The following NRXN3 variants were observed in gnomAD, a reference collection of about 807,000 sequenced individuals.
NRXN3 encodes neurexin III.
NRXN3 carries 32 observed loss-of-function variants against 137.6 expected under a neutral mutation model. The ratio of observed to expected loss-of-function variants is 0.23; its 90% CI spans 0.18 to 0.31. The LOEUF (loss-of-function observed/expected upper bound fraction) is 0.31. Among genes scored for constraint, NRXN3 ranks in the 10% least tolerant of loss-of-function variants. NRXN3 has a pLI of 1.00. For missense variants in NRXN3, 1,574 were observed against 2,062.5 expected (o/e 0.76, Z 4.59); for synonymous variants, 798 against 784.5 (o/e 1.02, Z -0.29).
At chr14:78,987,119 T>A (rs76241861) in intron 14 of NRXN3, among the ~76,000 whole-genome samples, 9,261 of 151,724 alleles carry the variant, frequency 0.061, 765 homozygotes, top group African/African-American at 0.19. Context: ...TGCATTTGAA[T>A]GTCCTGGAAG....
At chr14:78,576,197 T>G (rs1443016056) in intron 4 of NRXN3, among the ~76,000 whole-genome samples, 1 of 152,178 alleles carries the variant, frequency 6.6e-6, no homozygotes, top group Admixed American at 6.5e-5. Flanking sequence ...AAAGAGCAGC[T>G]CTCATCCTGA....
intron 1 of NRXN3, among the ~76,000 whole-genome samples, chr14:78,205,044 G>A (rs2062047367): frequency 6.6e-6 from 1 of 152,196 alleles, no homozygotes; most frequent in African/African-American, 2.4e-5. Context: ...CACAGGTAGT[G>A]CAGGAGAAAT....
Position 78,668,724 on chromosome 14 carries a change from C to T in NRXN3, c.1221+17398C>T, listed in dbSNP as rs148554770. Among the ~76,000 whole-genome samples, 1,411 of 152,220 alleles carry T rather than the reference C, an allele frequency of 9.3e-3. 11 individuals carry two copies. Among genetic ancestry groups the T allele is most frequent in the Non-Finnish European group, 0.015 (1,008 of 68,022 alleles). On this transcript the variant is annotated intron_variant, in intron 6 of 20. Coordinates refer to ENST00000335750, the MANE Select transcript of NRXN3 (RefSeq NM_001330195.2). ...TTAATGAGCCATATGGTCTCTATCACGACTATCAAACTGTCATTGAGCATG... is the reference window on the plus strand; with the variant it reads ...TTAATGAGCCATATGGTCTCTATCATGACTATCAAACTGTCATTGAGCATG...
intron 15 of NRXN3, among the ~76,000 whole-genome samples, chr14:79,183,330 T>G (rs1171472849): frequency 6.6e-6 from 1 of 152,188 alleles, no homozygotes; most frequent in African/African-American, 2.4e-5. Flanking sequence ...CCCAACCACA[T>G]CTTTCTGTTT....
intron 15 of NRXN3, among the ~76,000 whole-genome samples, chr14:79,082,249 A>T (rs2047183429): frequency 6.6e-6 from 1 of 152,128 alleles, no homozygotes; most frequent in Admixed American, 6.5e-5. Flanking sequence ...AATTTATTTG[A>T]CAGAGCACCC....
rs1602351482 is a variant in NRXN3, at chr14:79,576,480, A to G, written c.3445-87298A>G. Among the ~76,000 whole-genome samples, 3 of 152,322 alleles carry G rather than the reference A, an allele frequency of 2.0e-5. No homozygotes were observed. In the East Asian group the frequency reaches 5.8e-4, roughly 29 times the overall value. ...GCAAAAGAAAAAAGGAAAAACTGCT[A>G]AATGTTAAGTGATTTGCTTATTTGA... On this transcript the variant is annotated intron_variant, in intron 16 of 20. Coordinates refer to ENST00000335750, the MANE Select transcript of NRXN3 (RefSeq NM_001330195.2).
intron 4 of NRXN3, among the ~76,000 whole-genome samples, chr14:78,301,878 T>C (rs1240989081): frequency 6.6e-6 from 1 of 152,200 alleles, no homozygotes; most frequent in Non-Finnish European, 1.5e-5. Flanking sequence ...CCTGTTCCTT[T>C]TATGCTAATC....
At chr14:79,320,181 C>T (rs191583751) in intron 15 of NRXN3, among the ~76,000 whole-genome samples, 2 of 152,226 alleles carry the variant, frequency 1.3e-5, no homozygotes, top group Admixed American at 1.3e-4. Flanking sequence ...TTTTTCAATT[C>T]CCTGTGTTCA....
chr14:78,573,268 A>G (rs1456733504), intron 4 of NRXN3, among the ~76,000 whole-genome samples: 2 of 152,158 alleles, frequency 1.3e-5, no homozygotes, highest in Admixed American at 6.5e-5. Flanking sequence ...CTGGTACCAC[A>G]GAGAGTAGAG....
intron 10 of NRXN3, among the ~76,000 whole-genome samples, chr14:78,821,210 T>A (rs1471548559): frequency 6.6e-6 from 1 of 152,138 alleles, no homozygotes; most frequent in East Asian, 1.9e-4. Context: ...GGAATGAAAT[T>A]TATTTCTGAA....
intron 8 of NRXN3, among the ~76,000 whole-genome samples, chr14:78,749,498 C>T (rs2098630803): frequency 6.6e-6 from 1 of 152,252 alleles, no homozygotes; most frequent in Middle Eastern, 3.4e-3. Context: ...TTAGTTTCAC[C>T]TGCATATGTA....
intron 19 of NRXN3, among the ~76,000 whole-genome samples, chr14:79,786,242 G>T (rs989921731): frequency 5.3e-5 from 8 of 152,172 alleles, no homozygotes; most frequent in African/African-American, 1.9e-4. Flanking sequence ...AGAAACCAGG[G>T]ATCTGAATAA....
intron 15 of NRXN3, among the ~76,000 whole-genome samples, chr14:79,130,329 T>C (rs1268563875): frequency 2.0e-5 from 3 of 152,204 alleles, no homozygotes; most frequent in East Asian, 1.9e-4. Flanking sequence ...GTTGTTCCTT[T>C]CCATGTTTAG....
chr14:78,319,644 G>T lies in NRXN3; in HGVS notation c.757+21784G>T, dbSNP rs980114689. Among the ~76,000 whole-genome samples the T allele has an allele frequency of 2.0e-5, 3 of 152,154 alleles. No homozygotes were observed. The East Asian group carries it at 5.8e-4, about 29-fold the overall frequency. ...CTATGGGCTTGGGTGACTCCCAACA[G>T]CGATGACAATATACATTCTCAGTAA... On this transcript the variant is annotated intron_variant, in intron 4 of 20. Transcript: ENST00000335750.
At chr14:79,124,172 T>G (rs535062147) in intron 15 of NRXN3, among the ~76,000 whole-genome samples, 1 of 152,300 alleles carries the variant, frequency 6.6e-6, no homozygotes, top group Admixed American at 6.5e-5. Flanking sequence ...GTAGTCATCC[T>G]TGCTGCTTTA....
intron 19 of NRXN3, among the ~76,000 whole-genome samples, chr14:79,800,245 T>C (rs1166438474): frequency 6.6e-6 from 1 of 152,198 alleles, no homozygotes. Flanking sequence ...AACGTAACTA[T>C]GAATAGAAGA....
intron 10 of NRXN3, among the ~76,000 whole-genome samples, chr14:78,824,678 C>G (rs1044840361): frequency 6.6e-6 from 1 of 151,918 alleles, no homozygotes; most frequent in African/African-American, 2.4e-5. Flanking sequence ...TTTTAGAAAC[C>G]CTTATTAAAT....
At chr14:78,852,830 A>T (rs953736014) in intron 10 of NRXN3, among the ~76,000 whole-genome samples, 3 of 152,052 alleles carry the variant, frequency 2.0e-5, no homozygotes, top group Non-Finnish European at 2.9e-5. Context: ...GATTAAGTGG[A>T]ATCATGTATA....
chr14:78,559,191 A>T (rs993556068), intron 4 of NRXN3, among the ~76,000 whole-genome samples: 87 of 152,168 alleles, frequency 5.7e-4, no homozygotes, highest in African/African-American at 2.1e-3. Context: ...GCTTTTATAT[A>T]TATCTTTAAA....
Sources: allele counts gnomAD v4.1 joint callset (sites outside exome capture counted in the v4.1 genomes callset), GRCh38; gene constraint gnomAD v4.1.1; transcripts MANE v1.5; gene names NCBI Gene and HGNC (gene_info 2026-07-23, HGNC 2026-07-21).